SGCZ: variants seen among roughly 807,000 people sequenced by gnomAD.
SGCZ encodes the protein sarcoglycan zeta, also known as zeta-sarcoglycan.
Under a neutral mutation model 41.3 loss-of-function variants are expected in SGCZ, and 40 were observed. The ratio of observed to expected loss-of-function variants is 0.97; its 90% CI spans 0.75 to 1.26. SGCZ has a LOEUF of 1.26. Among genes scored for constraint, SGCZ ranks in the 50% most tolerant of loss-of-function variants. SGCZ has a pLI of 0.00. For missense variants in SGCZ, 552 were observed against 369.8 expected (o/e 1.49, Z -4.04); for synonymous variants, 206 against 137.5 (o/e 1.50, Z -3.49).
intron 1 of SGCZ, among the ~76,000 whole-genome samples, chr8:15,089,776 A>T (rs1165629334): frequency 6.6e-6 from 1 of 152,212 alleles, no homozygotes; most frequent in African/African-American, 2.4e-5. Context: ...TAAGTACTCA[A>T]TACAGCTTAG....
chr8:14,778,612 A>T (rs939445645), intron 1 of SGCZ, among the ~76,000 whole-genome samples: 2 of 152,190 alleles, frequency 1.3e-5, no homozygotes, highest in African/African-American at 4.8e-5. Context: ...GATATATAAA[A>T]CACACGTGTA....
chr8:14,824,781 G>A (rs1200271765), intron 1 of SGCZ, among the ~76,000 whole-genome samples: 2 of 151,878 alleles, frequency 1.3e-5, no homozygotes, highest in Non-Finnish European at 1.5e-5. Flanking sequence ...CTACATAAAC[G>A]CTTAAATTTT....
intron 1 of SGCZ, among the ~76,000 whole-genome samples, chr8:14,617,600 C>T (rs1806147730): frequency 6.6e-6 from 1 of 152,140 alleles, no homozygotes; most frequent in Non-Finnish European, 1.5e-5. Flanking sequence ...CATAAATACA[C>T]TTGAAATTCA....
intron 1 of SGCZ, among the ~76,000 whole-genome samples, chr8:14,692,101 GA>G (rs951247814): frequency 1.3e-5 from 2 of 151,796 alleles, no homozygotes; most frequent in African/African-American, 2.4e-5. Context: ...AATTTCTTGT[GA>G]AAAACTATAA....
At position 14,894,859 on chromosome 8, in the gene SGCZ, T is replaced by A. The variant is rs779980298; in HGVS notation, c.40-339933A>T. On this transcript the variant is annotated intron_variant, in intron 1 of 7. Coordinates refer to ENST00000382080, the MANE Select transcript of SGCZ (RefSeq NM_139167.4). ...CAAGCAAGTTACTTCTCCTCAGAGT[T>A]TCTGCAGGAGACACAAACAATTCAA... is the stretch of plus-strand genomic sequence containing the variant. Among the ~76,000 whole-genome samples, 174 of 152,284 alleles carry A rather than the reference T, an allele frequency of 1.1e-3. 2 individuals are homozygous for A. The highest frequency in any genetic ancestry group is 2.0e-3 in the Non-Finnish European group (135 of 68,014).
rs1585386193 is a variant in SGCZ at position 14,927,713 on chromosome 8, A to G, written c.39+309872T>C. Among the ~76,000 whole-genome samples, 5 of 152,322 alleles carry G rather than the reference A, an allele frequency of 3.3e-5. No homozygotes were observed. The South Asian group carries it at 1.0e-3, about 32-fold the overall frequency. ...TTATTTCATCTTCTTAATGCAGTAAAACATTGAGAAAAAGAATACATTCAT... is the reference window on the plus strand; with the variant it reads ...TTATTTCATCTTCTTAATGCAGTAAGACATTGAGAAAAAGAATACATTCAT... On this transcript the variant is annotated intron_variant, in intron 1 of 7. Transcript: ENST00000382080.
At chr8:15,051,802 C>T (rs1804524177) in intron 1 of SGCZ, among the ~76,000 whole-genome samples, 1 of 152,048 alleles carries the variant, frequency 6.6e-6, no homozygotes, top group South Asian at 2.1e-4. Context: ...GGGTTTGAAA[C>T]CAGTGTTTTA....
chr8:14,884,539 T>C (rs547560641), intron 1 of SGCZ, among the ~76,000 whole-genome samples: 4 of 152,102 alleles, frequency 2.6e-5, no homozygotes, highest in Non-Finnish European at 5.9e-5. Context: ...ATTTTGCATA[T>C]AGATTACTAA....
intron 3 of SGCZ, among the ~76,000 whole-genome samples, chr8:14,258,835 G>A (rs1251191846): frequency 6.6e-6 from 1 of 152,176 alleles, no homozygotes. Flanking sequence ...AAATAGGTCA[G>A]TTTGTAGAAA....
At chr8:14,452,326 G>C (rs1056381895) in intron 2 of SGCZ, among the ~76,000 whole-genome samples, 3 of 151,948 alleles carry the variant, frequency 2.0e-5, no homozygotes, top group Non-Finnish European at 2.9e-5. Flanking sequence ...TAACAGGAAG[G>C]GCACAGTGGA....
intron 5 of SGCZ, among the ~76,000 whole-genome samples, chr8:14,129,068 C>T (rs7827780): frequency 0.014 from 2,066 of 152,056 alleles, 37 homozygotes; most frequent in African/African-American, 0.047. Flanking sequence ...TCTCTTGGGT[C>T]GGGCATGGTG....
intron 1 of SGCZ, among the ~76,000 whole-genome samples, chr8:14,602,160 T>C (rs1168064595): frequency 6.6e-6 from 1 of 151,868 alleles, no homozygotes; most frequent in East Asian, 1.9e-4. Flanking sequence ...TAAAAAAGTA[T>C]GATGTGGATA....
At chr8:14,739,776 T>A (rs1460367883) in intron 1 of SGCZ, among the ~76,000 whole-genome samples, 1 of 152,048 alleles carries the variant, frequency 6.6e-6, no homozygotes, top group Non-Finnish European at 1.5e-5. Context: ...AAGGACACTT[T>A]CTAATGTGAA....
At chr8:15,119,453 C>G (rs565613737) in intron 1 of SGCZ, among the ~76,000 whole-genome samples, 1 of 151,884 alleles carries the variant, frequency 6.6e-6, no homozygotes, top group East Asian at 1.9e-4. Context: ...TCACTTGAGA[C>G]CCGGAGGCAC....
intron 1 of SGCZ, among the ~76,000 whole-genome samples, chr8:15,024,306 C>A (rs1020746539): frequency 6.6e-6 from 1 of 151,398 alleles, no homozygotes; most frequent in Non-Finnish European, 1.5e-5. Flanking sequence ...TGGTTTATAT[C>A]CACTGGAAAA....
At chr8:15,189,524 T>C (rs1280267267) in intron 1 of SGCZ, among the ~76,000 whole-genome samples, 1 of 152,004 alleles carries the variant, frequency 6.6e-6, no homozygotes, top group Admixed American at 6.6e-5. Context: ...GGACTCTTTG[T>C]GTACAGTTAG....
chr8:14,097,593 G>A (rs1028777931), intron 7 of SGCZ, among the ~76,000 whole-genome samples: 1 of 152,166 alleles, frequency 6.6e-6, no homozygotes, highest in African/African-American at 2.4e-5. Flanking sequence ...TTCTGTAGAT[G>A]TTTCTTAGGT....
chr8:14,378,342 G>C (rs182075294), intron 2 of SGCZ, among the ~76,000 whole-genome samples: 1 of 152,132 alleles, frequency 6.6e-6, no homozygotes, highest in Admixed American at 6.5e-5. Flanking sequence ...GAAAACCTAG[G>C]CAATACCATT....
chr8:15,029,102 A>G (rs968758753), intron 1 of SGCZ, among the ~76,000 whole-genome samples: 1 of 152,098 alleles, frequency 6.6e-6, no homozygotes, highest in African/African-American at 2.4e-5. Flanking sequence ...TATTTCATGG[A>G]ACGAATCTTG....
Sources: allele counts gnomAD v4.1 joint callset (sites outside exome capture counted in the v4.1 genomes callset), GRCh38; gene constraint gnomAD v4.1.1; transcripts MANE v1.5; gene names NCBI Gene and HGNC (gene_info 2026-07-23, HGNC 2026-07-21).